The following CARD6 variants were observed in gnomAD, a reference collection of about 807,000 sequenced individuals.
The protein encoded by CARD6 is caspase recruitment domain-containing protein 6.
CARD6 carries 27 observed loss-of-function variants against 23.6 expected under a neutral mutation model. The observed-to-expected ratio is 1.14, with a 90% CI of 0.84 to 1.58. The LOEUF (loss-of-function observed/expected upper bound fraction) is 1.58. Ranked by LOEUF, CARD6 falls within the 40% of genes most tolerant of loss-of-function variation. The pLI is 0.00. For missense variants in CARD6, 1,214 were observed against 1,209.9 expected, an observed-to-expected ratio of 1.00 and a Z score of -0.05; for synonymous variants, 397 against 431.8, an observed-to-expected ratio of 0.92 and a Z score of 1.00.
rs748689795 is a variant in CARD6 at position 40,841,533 on chromosome 5, A to G, written c.151A>G (p.Thr51Ala). ...AGAGTATGAGACTCTGGAGAATGTT[A>G]CAGATCTCCTGAAGAAAAGTCGGAA... ...EEEYETLENVTDLLKKSRKLL... is the reference protein window; with the variant it reads ...EEEYETLENVADLLKKSRKLL... The change falls in exon 1 of 3, where the codon ACA becomes GCA. Residue 51 changes from threonine to alanine, a missense_variant. Coordinates refer to ENST00000254691, the MANE Select transcript of CARD6 (RefSeq NM_032587.4). The G allele has an allele frequency of 1.9e-6, 3 of 1,614,174 alleles. 1 individual carries two copies. The South Asian group carries it at 3.3e-5, about 18-fold the overall frequency.
In CARD6 at chr5:40,853,053, C is replaced by T. The variant is rs1173113407; in HGVS notation, c.1721C>T (p.Ala574Val). 2 of 1,613,950 alleles carry T rather than the reference C, an allele frequency of 1.2e-6. No individual in the cohort carries two copies. The highest frequency in any genetic ancestry group is 1.7e-6 in the Non-Finnish European group (2 of 1,180,020). ...GACTTGCTAATGTTTTTAGGAGAGGCTGCCATTGAAAGATGCTACTTTGTT... is the reference window on the plus strand; with the variant it reads ...GACTTGCTAATGTTTTTAGGAGAGGTTGCCATTGAAAGATGCTACTTTGTT... ...EWDLLMFLGE[A>V]AIERCYFVLS... Residue 574 changes from alanine to valine, a missense_variant, in exon 3 of 3, where the codon GCT (alanine) becomes GTT (valine). Physicochemically the swap from Ala to Val is moderately conservative, Grantham distance 64 (BLOSUM62 0). Coordinates refer to ENST00000254691, the MANE Select transcript of CARD6 (RefSeq NM_032587.4).
Position 40,853,239 on chromosome 5 carries a change from C to T in CARD6, c.1907C>T (p.Ser636Phe). 1 of 1,614,192 alleles carries T rather than the reference C, an allele frequency of 6.2e-7. No homozygotes were observed. The highest frequency in any genetic ancestry group is 8.5e-7 in the Non-Finnish European group (1 of 1,180,028). ...GCCCTCCAGGAAGTGATGTTCTCTTCTTGCCTCAGATGTGTGTCTGTGGAG... is the reference window on the plus strand; with the variant it reads ...GCCCTCCAGGAAGTGATGTTCTCTTTTTGCCTCAGATGTGTGTCTGTGGAG... ...QAALQEVMFS[S>F]CLRCVSVEDM... Residue 636 changes from serine to phenylalanine, a missense_variant, in exon 3 of 3, where the codon TCT becomes TTT. By Grantham distance (155) the Ser-to-Phe change is radical. Coordinates refer to ENST00000254691, the MANE Select transcript of CARD6 (RefSeq NM_032587.4).
chr5:40,843,484 T>G lies in CARD6; in HGVS notation c.616T>G (p.Ser206Ala). 6.2e-7 allele frequency: 1 copy of G among 1,609,772 alleles called. No individual in the cohort carries two copies. The highest frequency in any genetic ancestry group is 8.5e-7 in the Non-Finnish European group (1 of 1,178,820). Residue 206 changes from serine (S) to alanine (A), a missense_variant, in exon 2 of 3, where the codon TCT becomes GCT. Ser to Ala is a moderately conservative substitution (Grantham distance 99, BLOSUM62 1). Transcript: ENST00000254691. The part of the protein sequence containing the change: ...DGQRYEELDD[S>A]LYLGKEEYLG... ...ACAGAGATATGAGGAGCTAGATGAT[T>G]CTTTATACTTAGGAAAAGAGGAATA...
rs1198018499 is a variant in CARD6 at position 40,853,944 on chromosome 5, C to T, written c.2612C>T (p.Ala871Val). 1 of 1,614,184 alleles carries T rather than the reference C, an allele frequency of 6.2e-7. No individual in the cohort carries two copies. Among genetic ancestry groups the T allele is most frequent in the South Asian group, 1.1e-5 (1 of 91,088 alleles). ...GTAGGGAAGCCATGGCCTCAGCAAG[C>T]TTGCACCAGGGTAACAGAGTTAACT... Reference protein sequence around the residue: ...RAVGKPWPQQACTRVTELTEA... With the variant: ...RAVGKPWPQQVCTRVTELTEA... Residue 871 changes from alanine to valine, a missense_variant, in exon 3 of 3, where the codon GCT (alanine) becomes GTT (valine). Transcript: ENST00000254691.
Position 40,841,435 on chromosome 5 carries a change from T to G in CARD6, c.53T>G (p.Leu18Trp), listed in dbSNP as rs1196871389. The G allele has an allele frequency of 6.2e-7, 1 of 1,612,802 alleles. No individual in the cohort carries two copies. The highest frequency in any genetic ancestry group is 2.2e-5 in the East Asian group (1 of 44,854). ...ATCATAGAAAGAGAAAGAAAAAAGTTGCTTGAAATCCTTCAACATGATCCT... is the reference window on the plus strand; with the variant it reads ...ATCATAGAAAGAGAAAGAAAAAAGTGGCTTGAAATCCTTCAACATGATCCT... ...SEIIERERKK[L>W]LEILQHDPDS... The change falls in exon 1 of 3, where the codon TTG becomes TGG. Residue 18 changes from leucine to tryptophan, a missense_variant. Transcript: ENST00000254691.
At chr5:40,844,263 A>G (rs1281174271) in intron 2 of CARD6, among the ~76,000 whole-genome samples, 2 of 152,170 alleles carry the variant, frequency 1.3e-5, no homozygotes, top group Non-Finnish European at 1.5e-5. Flanking sequence ...TTGTTTTTAA[A>G]CAGGGTCTCA....
chr5:40,846,360 G>A (rs1745967073), intron 2 of CARD6, among the ~76,000 whole-genome samples: 1 of 149,374 alleles, frequency 6.7e-6, no homozygotes, highest in Non-Finnish European at 1.5e-5. Flanking sequence ...GGGAGAGAGA[G>A]CAAGGTGGAG....
Position 40,854,079 on chromosome 5 carries a change from T to G in CARD6, c.2747T>G (p.Val916Gly). 6.2e-7 allele frequency: 1 copy of G among 1,613,668 alleles called. No individual in the cohort carries two copies. The highest frequency in any genetic ancestry group is 8.5e-7 in the Non-Finnish European group (1 of 1,179,908). Residue 916 changes from valine (V) to glycine (G), a missense_variant, in exon 3 of 3, where the codon GTC (valine) becomes GGC (glycine). Val to Gly is a moderately radical substitution (Grantham distance 109). Transcript: ENST00000254691. Reference protein sequence around the residue: ...QKLRPASQQGVQMKTQGGASN... With the variant: ...QKLRPASQQGGQMKTQGGASN... Reference sequence around the variant, plus strand: ...CTAAGACCTGCTTCTCAGCAAGGAGTCCAGATGAAGACACAAGGTGGGGCT... The same window carrying G: ...CTAAGACCTGCTTCTCAGCAAGGAGGCCAGATGAAGACACAAGGTGGGGCT...
chr5:40,852,967 T>C lies in CARD6; in HGVS notation c.1635T>C (p.Phe545=). The change falls in exon 3 of 3, where the codon TTT becomes TTC. Residue 545 remains phenylalanine (F), a synonymous_variant. Transcript: ENST00000254691. ...NLESFWTQFG[F]LMEVSSAVFF... is the part of the protein sequence containing the mutation. ...AAAGCTTTTGGACTCAGTTTGGTTT[T>C]TTGATGGAAGTTTCTTCAGCTGTGT... is the stretch of plus-strand genomic sequence containing the variant. 1 of 1,614,212 alleles carries C rather than the reference T, an allele frequency of 6.2e-7. No individual in the cohort carries two copies. Among genetic ancestry groups the C allele is most frequent in the Middle Eastern group, 1.6e-4 (1 of 6,062 alleles).
At chr5:40,845,262 T>C (rs1745947344) in intron 2 of CARD6, among the ~76,000 whole-genome samples, 1 of 152,136 alleles carries the variant, frequency 6.6e-6, no homozygotes, top group African/African-American at 2.4e-5. Flanking sequence ...TGTGCAAGCA[T>C]CCCTCTGATA....
chr5:40,850,647 G>T (rs1463719095), intron 2 of CARD6, among the ~76,000 whole-genome samples: 1 of 140,362 alleles, frequency 7.1e-6, no homozygotes, highest in Admixed American at 7.5e-5. Context: ...ACTTGAACCC[G>T]AGAGGCGGAA....
intron 2 of CARD6, among the ~76,000 whole-genome samples, chr5:40,847,622 T>C (rs533271504): frequency 3.9e-5 from 6 of 152,324 alleles, no homozygotes; most frequent in Admixed American, 1.3e-4. Flanking sequence ...ATTCTACAAC[T>C]TTTGCCTTTA....
intron 2 of CARD6, among the ~76,000 whole-genome samples, chr5:40,844,606 A>G (rs1745936235): frequency 6.6e-6 from 1 of 152,188 alleles, no homozygotes; most frequent in Non-Finnish European, 1.5e-5. Flanking sequence ...GGGAAAACAG[A>G]CATCACTAAG....
Position 40,852,939 on chromosome 5 carries a change from T to C in CARD6, c.1607T>C (p.Leu536Pro). 5.0e-6 allele frequency: 8 copies of C among 1,614,226 alleles called. No individual in the cohort carries two copies. The highest frequency in any genetic ancestry group is 5.9e-6 in the Non-Finnish European group (7 of 1,180,046). The change falls in exon 3 of 3, where the codon CTA (leucine) becomes CCA (proline). Residue 536 changes from leucine to proline, a missense_variant. Transcript: ENST00000254691. ...PVALANLRGN[L>P]ESFWTQFGFL... ...GCTCTGGCTAATCTCCGTGGAAATC[T>C]AGAAAGCTTTTGGACTCAGTTTGGT...
intron 2 of CARD6, among the ~76,000 whole-genome samples, chr5:40,850,519 A>G (rs1358655975): frequency 6.7e-6 from 1 of 148,780 alleles, no homozygotes; most frequent in Non-Finnish European, 1.5e-5. Context: ...GTTCGAGACC[A>G]GCCTGGGCAA....
intron 2 of CARD6, among the ~76,000 whole-genome samples, chr5:40,846,586 T>C (rs1745971491): frequency 6.6e-6 from 1 of 152,116 alleles, no homozygotes; most frequent in African/African-American, 2.4e-5. Context: ...CTGGAGGTGC[T>C]AGGAAAGGAT....
At position 40,853,175 on chromosome 5, in the gene CARD6, G is replaced by T; in HGVS notation, c.1843G>T (p.Ala615Ser). 6.2e-7 allele frequency: 1 copy of T among 1,614,228 alleles called. No individual in the cohort carries two copies. Among genetic ancestry groups the T allele is most frequent in the Non-Finnish European group, 8.5e-7 (1 of 1,180,046 alleles). Residue 615 changes from alanine to serine, a missense_variant, in exon 3 of 3, where the codon GCT (alanine) becomes TCT (serine). Ala to Ser is a moderately conservative substitution (Grantham distance 99). Coordinates refer to ENST00000254691, the MANE Select transcript of CARD6 (RefSeq NM_032587.4). ...GCTACTGTTTTGGGAGAGGGGAGATGCTGGGGATAGAAGGAAGAACATGGA... is the reference window on the plus strand; with the variant it reads ...GCTACTGTTTTGGGAGAGGGGAGATTCTGGGGATAGAAGGAAGAACATGGA... ...AQLLFWERGD[A>S]GDRRKNMEGL...
chr5:40,844,908 G>A (rs377110188), intron 2 of CARD6, among the ~76,000 whole-genome samples: 13 of 139,814 alleles, frequency 9.3e-5, no homozygotes, highest in Non-Finnish European at 1.4e-4. Context: ...CTCACTCGTC[G>A]CCCAGGCTGG....
At position 40,852,760 on chromosome 5, in the gene CARD6, C is replaced by T. The variant is rs1168083277; in HGVS notation, c.1428C>T (p.Ser476=). The T allele has an allele frequency of 6.2e-7, 1 of 1,614,122 alleles. No homozygotes were observed. Among genetic ancestry groups the T allele is most frequent in the South Asian group, 1.1e-5 (1 of 91,052 alleles). Residue 476 remains serine (S), a synonymous_variant, in exon 3 of 3, where the codon AGC becomes AGT. Transcript: ENST00000254691. ...CCAGAATCCTCAACACACTTCTCAG[C>T]CCTGCCCAGTTGAAATTACACAAAA... ...SKSRILNTLL[S]PAQLKLHKIF...
Sources: allele counts gnomAD v4.1 joint callset (sites outside exome capture counted in the v4.1 genomes callset), GRCh38; gene constraint gnomAD v4.1.1; transcripts MANE v1.5; gene names NCBI Gene and HGNC (gene_info 2026-07-23, HGNC 2026-07-21).